GRAP: variants seen among roughly 807,000 people sequenced by gnomAD.
GRAP encodes GRB2 related adaptor protein.
GRAP carries 2 observed loss-of-function variants against 9.1 expected under a neutral mutation model. The observed-to-expected ratio is 0.22, with a 90% CI of 0.09 to 0.69. The LOEUF (loss-of-function observed/expected upper bound fraction) is 0.69, where lower values mean the gene tolerates loss of function less well. GRAP is among the 30% of genes least tolerant of loss of function. The pLI, the probability that GRAP is intolerant of heterozygous loss-of-function variation, is 0.81. For missense variants in GRAP, 113 were observed against 179.4 expected, an observed-to-expected ratio of 0.63 and a Z score of 2.12; for synonymous variants, 68 against 73.6, an observed-to-expected ratio of 0.92 and a Z score of 0.39.
intron 3 of GRAP, among the ~76,000 whole-genome samples, chr17:19,025,618 T>C (rs1412467746): frequency 2.2e-5 from 3 of 137,490 alleles, no homozygotes; most frequent in East Asian, 4.3e-4. Context: ...TCTTTTCTTT[T>C]TTTTTTTTTT....
chr17:19,024,159 G>T lies in GRAP; in HGVS notation c.468+56C>A, dbSNP rs1397511242. 2 of 1,501,278 alleles carry T rather than the reference G, an allele frequency of 1.3e-6. No individual in the cohort carries two copies. Among genetic ancestry groups the T allele is most frequent in the Non-Finnish European group, 1.8e-6 (2 of 1,103,106 alleles). 93.0% of individuals were successfully genotyped at this position (1,501,278 alleles called of 1,614,324 possible). ...CCTCAGTGTCAGCATCTCCCCTGCT[G>T]CAGATGGCAGGAGGTGCAGAGAGGC... is the stretch of plus-strand genomic sequence containing the variant. On this transcript the variant is annotated intron_variant, in intron 4 of 4. Coordinates refer to ENST00000284154, the MANE Select transcript of GRAP (RefSeq NM_006613.4). This position sits in a 1 kb window ranked among gnomAD's most constrained non-coding sequence, Gnocchi z 4.2.
intron 3 of GRAP, chr17:19,030,230 G>A (rs571228150): frequency 3.2e-5 from 14 of 435,710 alleles, no homozygotes; most frequent in Non-Finnish European, 5.2e-5. Flanking sequence ...GCCTGGTGGC[G>A]GCAGCAGCAG....
At chr17:19,025,472 G>A (rs1351510695) in intron 3 of GRAP, among the ~76,000 whole-genome samples, 5 of 139,946 alleles carry the variant, frequency 3.6e-5, no homozygotes, top group Admixed American at 7.3e-5. Context: ...GATTATAGGC[G>A]TGAGCCACTG....
Position 19,021,853 on chromosome 17 carries a change from G to A in GRAP, c.*106C>T, listed in dbSNP as rs759344407. 14 of 1,221,810 alleles carry A rather than the reference G, an allele frequency of 1.1e-5. No individual in the cohort carries two copies. Among genetic ancestry groups the A allele is most frequent in the African/African-American group, 1.6e-5 (1 of 63,448 alleles). 75.7% of individuals were successfully genotyped at this position (1,221,810 alleles called of 1,614,324 possible). A position where few individuals can be genotyped will look rare whatever the true frequency, so the allele number is the denominator to read the frequency against. ...AGGAGCCCACGTTCAGTCCAAGGCC[G>A]TCCACTGAGCCCCGTGTGACTCTGA... On this transcript the variant is annotated 3_prime_UTR_variant, in exon 5 of 5. Coordinates refer to ENST00000284154, the MANE Select transcript of GRAP (RefSeq NM_006613.4). The surrounding 1 kb of genome is among the most constrained non-coding windows in gnomAD (Gnocchi z 4.1).
At chr17:19,022,989 G>A (rs1363003207) in intron 4 of GRAP, among the ~76,000 whole-genome samples, 1 of 152,262 alleles carries the variant, frequency 6.6e-6, no homozygotes, top group African/African-American at 2.4e-5. Context: ...AGAGCGAGGT[G>A]TTGGGTGTAG....
intron 3 of GRAP, among the ~76,000 whole-genome samples, chr17:19,027,484 G>GCGCGCGCACA (rs1555583245): frequency 1.6e-5 from 2 of 121,216 alleles, no homozygotes; most frequent in African/African-American, 6.2e-5. Context: ...GCGCGCGCGC[G>GCGCGCGCACA]CACACACACA....
chr17:19,020,745 G>C lies in GRAP; in HGVS notation c.*1214C>G. 2.7e-6 allele frequency: 1 copy of C among 371,354 alleles called. No individual in the cohort carries two copies. Among genetic ancestry groups the C allele is most frequent in the Non-Finnish European group, 5.1e-6 (1 of 196,276 alleles). The allele number at this position is 371,354 out of a possible 1,614,324, so 23.0% of individuals were successfully genotyped here. On this transcript the variant is annotated 3_prime_UTR_variant, in exon 5 of 5. Coordinates refer to ENST00000284154, the MANE Select transcript of GRAP (RefSeq NM_006613.4). Reference sequence around the variant, plus strand: ...ACACAGGCTGGGTCAGGAGCAGTGAGATTTGCCAGCACTCAGGGTTCTAAG... The same window carrying C: ...ACACAGGCTGGGTCAGGAGCAGTGACATTTGCCAGCACTCAGGGTTCTAAG...
intron 3 of GRAP, among the ~76,000 whole-genome samples, chr17:19,027,479 C>T (rs540333074): frequency 2.0e-4 from 18 of 90,614 alleles, no homozygotes; most frequent in East Asian, 5.6e-4. Context: ...TGCGCGCGCG[C>T]GCGCGCACAC....
rs779742577 is a variant in GRAP, at chr17:19,022,075, G to A, written c.538C>T (p.Arg180Cys). The change falls in exon 5 of 5, where the codon CGC (arginine) becomes TGC (cysteine). Residue 180 changes from arginine (R) to cysteine (C), a missense_variant. By Grantham distance (180) the Arg-to-Cys change is radical. Transcript: ENST00000284154. ...AGGACCTCAATGATGTCGCCACGGC[G>A]GAAGCTGAGCTGCGAGGGGTCCTGG... ...SAQDPSQLSF[R>C]RGDIIEVLER... 2.3e-5 allele frequency: 36 copies of A among 1,591,654 alleles called. No individual in the cohort carries two copies. Among genetic ancestry groups the A allele is most frequent in the South Asian group, 3.4e-5 (3 of 87,382 alleles).
rs756824381 is a variant in GRAP, at chr17:19,027,469, TGCGCGC to T, written c.300-3092_300-3087del. On this transcript the variant is annotated intron_variant, in intron 3 of 4. Transcript: ENST00000284154. ...GCACTTGATGCCTTGATGGGACACA[TGCGCGC>T]GCGCGCGCGCACACACACACACACA... 5.3e-3 allele frequency among the ~76,000 whole-genome samples: 664 copies of T among 125,696 alleles called. 7 individuals are homozygous for T. The highest frequency in any genetic ancestry group is 0.041 in the East Asian group (110 of 2,712). The allele number at this position is 125,696 out of a possible 152,430, so 82.5% of individuals were successfully genotyped here.
upstream of GRAP, among the ~76,000 whole-genome samples, chr17:19,048,506 A>G (rs1489316355): frequency 9.5e-6 from 1 of 104,986 alleles, no homozygotes; most frequent in Admixed American, 9.7e-5. Context: ...GTGGATTATA[A>G]TCCATTACTA....
rs71155384 is a variant in GRAP, at chr17:19,025,614, CT to C, written c.300-1232del. On this transcript the variant is annotated intron_variant, in intron 3 of 4. Coordinates refer to ENST00000284154, the MANE Select transcript of GRAP (RefSeq NM_006613.4). The stretch of plus-strand genomic sequence containing the variant: ...GAGCCTGCTCTTTCTTTTTTCTTTT[CT>C]TTTTTTTTTTTTTTTGAGGCGTAGT... 9.7e-3 allele frequency among the ~76,000 whole-genome samples: 1,130 copies of C among 116,150 alleles called. 21 individuals are homozygous for C. Among genetic ancestry groups the C allele is most frequent in the Admixed American group, 0.014 (136 of 10,050 alleles). 76.2% of individuals were successfully genotyped at this position (116,150 alleles called of 152,430 possible). A position where few individuals can be genotyped will look rare whatever the true frequency, so the allele number is the denominator to read the frequency against.
At chr17:19,022,915 G>A (rs990857050) in intron 4 of GRAP, among the ~76,000 whole-genome samples, 2 of 152,222 alleles carry the variant, frequency 1.3e-5, no homozygotes, top group Admixed American at 1.3e-4. Context: ...GGCGTCATAG[G>A]TCCCAGGGGA....
At chr17:19,025,194 CTT>C (rs577399592) in intron 3 of GRAP, among the ~76,000 whole-genome samples, 1,605 of 117,482 alleles carry the variant, frequency 0.014, 17 homozygotes, top group African/African-American at 0.048. Flanking sequence ...CTTTTCTTTT[CTT>C]TTTTTTTTTT....
At position 19,021,372 on chromosome 17, in the gene GRAP, G is replaced by A. The variant is rs2044263038; in HGVS notation, c.*587C>T. The A allele has an allele frequency of 6.4e-6, 1 of 156,740 alleles. No individual in the cohort carries two copies. The allele number at this position is 156,740 out of a possible 1,614,324, so 9.7% of individuals were successfully genotyped here. A position where few individuals can be genotyped will look rare whatever the true frequency, so the allele number is the denominator to read the frequency against. ...TCTTAGGGCCTCTAGCCCTGTGGTG[G>A]GGTGCTGGGTGCCCCAGGTGGAGCT... On this transcript the variant is annotated 3_prime_UTR_variant, in exon 5 of 5. Coordinates refer to ENST00000284154, the MANE Select transcript of GRAP (RefSeq NM_006613.4). This position sits in a 1 kb window ranked among gnomAD's most constrained non-coding sequence, Gnocchi z 4.1.
At chr17:19,027,484 G>GCGCACACACACACACACA (rs1555583245) in intron 3 of GRAP, among the ~76,000 whole-genome samples, 2 of 121,112 alleles carry the variant, frequency 1.7e-5, no homozygotes, top group African/African-American at 3.1e-5. Flanking sequence ...GCGCGCGCGC[G>GCGCACACACACACACACA]CACACACACA....
chr17:19,021,855 C>T lies in GRAP; in HGVS notation c.*104G>A. On this transcript the variant is annotated 3_prime_UTR_variant, in exon 5 of 5. Transcript: ENST00000284154. This position sits in a 1 kb window ranked among gnomAD's most constrained non-coding sequence, Gnocchi z 4.1. ...GAGCCCACGTTCAGTCCAAGGCCGT[C>T]CACTGAGCCCCGTGTGACTCTGACA... 1 of 1,237,698 alleles carries T rather than the reference C, an allele frequency of 8.1e-7. No individual in the cohort carries two copies. Among genetic ancestry groups the T allele is most frequent in the Non-Finnish European group, 1.1e-6 (1 of 942,198 alleles). 76.7% of individuals were successfully genotyped at this position (1,237,698 alleles called of 1,614,324 possible). A position where few individuals can be genotyped will look rare whatever the true frequency, so the allele number is the denominator to read the frequency against.
At chr17:19,025,662 G>T (rs2044310022) in intron 3 of GRAP, among the ~76,000 whole-genome samples, 1 of 133,996 alleles carries the variant, frequency 7.5e-6, no homozygotes, top group African/African-American at 2.9e-5. Context: ...ACCCAGGCTA[G>T]AGTGCAATGG....
At chr17:19,023,369 G>A (rs1199501089) in intron 4 of GRAP, among the ~76,000 whole-genome samples, 1 of 152,120 alleles carries the variant, frequency 6.6e-6, no homozygotes, top group East Asian at 1.9e-4. Flanking sequence ...TCTCTTCAGC[G>A]GTTATCAGCC....
Sources: gnomAD v4.1 joint callset for allele counts (sites outside exome capture counted in the v4.1 genomes callset) on GRCh38, gnomAD v4.1.1 for gene constraint, Gnocchi (gnomAD v3.1) non-coding constraint, MANE v1.5 for transcripts, NCBI Gene and HGNC (gene_info 2026-07-23, HGNC 2026-07-21) for gene names.